Variants in BICRAL observed in about 807,000 individuals in gnomAD.
BICRAL encodes BICRA like chromatin remodeling complex associated protein.
A neutral mutation model predicts 91.8 loss-of-function variants in BICRAL; 8 were observed. The observed-to-expected ratio is 0.09, with a 90% confidence interval of 0.05 to 0.16. The LOEUF (loss-of-function observed/expected upper bound fraction) is 0.16. Among genes scored for constraint, BICRAL ranks in the 10% least tolerant of loss-of-function variants. The pLI is 1.00. For synonymous variants in BICRAL, 445 were observed against 491.1 expected, an observed-to-expected ratio of 0.91 and a Z score of 1.24; for missense variants, 1,038 against 1,310.9, an observed-to-expected ratio of 0.79 and a Z score of 3.21.
chr6:42,814,479 A>ATGTGTGTG lies in BICRAL; in HGVS notation c.-6+4092_-6+4099dup, dbSNP rs35473219. ...TATACGTATACATACATATACATGC[A>ATGTGTGTG]TGTGTGTGTGTGTGTGTGTGTATAT... On this transcript the variant is annotated intron_variant, in intron 2 of 12. Transcript: ENST00000314073. 5.0e-3 allele frequency among the ~76,000 whole-genome samples: 395 copies of ATGTGTGTG among 78,888 alleles called. 11 individuals carry two copies. The highest frequency in any genetic ancestry group is 0.026 in the African/African-American group (330 of 12,778). 51.8% of individuals were successfully genotyped at this position (78,888 alleles called of 152,430 possible).
intron 6 of BICRAL, among the ~76,000 whole-genome samples, chr6:42,850,107 A>G (rs997457643): frequency 6.6e-6 from 1 of 152,178 alleles, no homozygotes; most frequent in East Asian, 1.9e-4. Context: ...GCCAGGGTCT[A>G]TGTGAGCACT....
chr6:42,756,660 C>G (rs1487136587), intron 1 of BICRAL, among the ~76,000 whole-genome samples: 1 of 151,340 alleles, frequency 6.6e-6, no homozygotes, highest in African/African-American at 2.4e-5. Context: ...ATACGTAAGT[C>G]TGAGTTACTG....
At chr6:42,860,491 G>C in intron 11 of BICRAL, 135 bp downstream of exon 11, 1 of 561,112 alleles carries the variant, frequency 1.8e-6, no homozygotes, top group South Asian at 2.1e-5. Flanking sequence ...AAAAACTTAC[G>C]CTTAGCTGCT....
intron 1 of BICRAL, among the ~76,000 whole-genome samples, chr6:42,760,179 G>A (rs1762523854): frequency 6.6e-6 from 1 of 151,924 alleles, no homozygotes; most frequent in Non-Finnish European, 1.5e-5. Flanking sequence ...GGGAGGCGGA[G>A]GTTGCGGTGA....
Position 42,865,153 on chromosome 6 carries a change from A to G in BICRAL, c.2947A>G (p.Asn983Asp). Residue 983 changes from asparagine (N) to aspartate (D), a missense_variant, in exon 13 of 13, where the codon AAT (asparagine) becomes GAT (aspartate). By Grantham distance (23) the Asn-to-Asp change is conservative (BLOSUM62 1). Around this residue, in one of 5 missense-constraint regions of BICRAL, gnomAD observed 92 missense variants for 147.8 expected, o/e 0.62. Coordinates refer to ENST00000314073, the MANE Select transcript of BICRAL (RefSeq NM_001393499.1). ...QDKSLRNSPK[N>D]EVLHTDIMKG... ...CAAAAGTCTGAGGAATTCTCCAAAG[A>G]ATGAAGTTTTACACACAGACATCAT... 6.2e-7 allele frequency: 1 copy of G among 1,614,182 alleles called. No homozygotes were observed. Among genetic ancestry groups the G allele is most frequent in the Non-Finnish European group, 8.5e-7 (1 of 1,180,028 alleles).
At chr6:42,750,034 T>C (rs1762351812) in intron 1 of BICRAL, among the ~76,000 whole-genome samples, 1 of 151,942 alleles carries the variant, frequency 6.6e-6, no homozygotes, top group African/African-American at 2.4e-5. Context: ...TTTTTTAATA[T>C]ATATAGTTTT....
intron 9 of BICRAL, among the ~76,000 whole-genome samples, chr6:42,856,716 A>T (rs2114028748): frequency 6.6e-6 from 1 of 152,222 alleles, no homozygotes; most frequent in South Asian, 2.1e-4. Flanking sequence ...TTTCTTCTTA[A>T]GGAGAATAGT....
rs776228133 is a variant in BICRAL, at chr6:42,853,689, C to T, written c.1997C>T (p.Pro666Leu). The T allele has an allele frequency of 1.2e-6, 2 of 1,614,100 alleles. No individual in the cohort carries two copies. The highest frequency in any genetic ancestry group is 4.5e-5 in the East Asian group (2 of 44,892). Reference protein sequence around the residue: ...VISASLGTAQPQQEKVVGSSP... With the variant: ...VISASLGTAQLQQEKVVGSSP... ...TCCGCATCCTTAGGAACCGCACAACCACAGCAGGAAAAAGTAGTTGGATCA... is the reference window on the plus strand; with the variant it reads ...TCCGCATCCTTAGGAACCGCACAACTACAGCAGGAAAAAGTAGTTGGATCA... Residue 666 changes from proline to leucine, a missense_variant, in exon 8 of 13, where the codon CCA (proline) becomes CTA (leucine). Pro to Leu is a moderately conservative substitution (Grantham distance 98). Around this residue, in one of 5 missense-constraint regions of BICRAL, gnomAD observed 532 missense variants for 724.9 expected, o/e 0.73. Coordinates refer to ENST00000314073, the MANE Select transcript of BICRAL (RefSeq NM_001393499.1).
chr6:42,747,795 G>GTTTTTTT (rs1343500976), intron 1 of BICRAL, among the ~76,000 whole-genome samples: 9 of 141,156 alleles, frequency 6.4e-5, no homozygotes, highest in South Asian at 2.2e-4. Context: ...TTGCTTTTTT[G>GTTTTTTT]TTTTATTTTG....
At chr6:42,761,248 A>T (rs1227710358) in intron 1 of BICRAL, among the ~76,000 whole-genome samples, 3 of 152,066 alleles carry the variant, frequency 2.0e-5, no homozygotes, top group Middle Eastern at 3.2e-3. Flanking sequence ...TGAGGCCAGG[A>T]GTTCAAGACC....
chr6:42,822,774 CTT>C lies in BICRAL; in HGVS notation c.42-16_42-15del, dbSNP rs749055332. 2 of 1,423,846 alleles carry C rather than the reference CTT, an allele frequency of 1.4e-6. No homozygotes were observed. Among genetic ancestry groups the C allele is most frequent in the South Asian group, 2.4e-5 (2 of 85,090 alleles). 88.2% of individuals were successfully genotyped at this position (1,423,846 alleles called of 1,614,324 possible). A position where few individuals can be genotyped will look rare whatever the true frequency, so the allele number is the denominator to read the frequency against. On this transcript the variant is annotated intron_variant, in intron 3 of 12. Coordinates refer to ENST00000314073, the MANE Select transcript of BICRAL (RefSeq NM_001393499.1). ...AGTATATTTGTTTGTTGTTTTATCT[CTT>C]TTTTTCCTCTCTTTTCTAGAGACCC...
Position 42,848,703 on chromosome 6 carries a change from G to T in BICRAL, c.1840-3389G>T, listed in dbSNP as rs1371921817. On this transcript the variant is annotated intron_variant, in intron 6 of 12. Transcript: ENST00000314073. Reference sequence around the variant, plus strand: ...TACAAAAAATACAAAAACTAGCCAGGCTTGGTGGCACACACCTGTAGTCCC... The same window carrying T: ...TACAAAAAATACAAAAACTAGCCAGTCTTGGTGGCACACACCTGTAGTCCC... 2.6e-5 allele frequency among the ~76,000 whole-genome samples: 4 copies of T among 152,258 alleles called. No homozygotes were observed. In the South Asian group the frequency reaches 6.2e-4, roughly 24 times the overall value.
At position 42,829,854 on chromosome 6, in the gene BICRAL, T is replaced by C. The variant is rs1303452029; in HGVS notation, c.1521T>C (p.Thr507=). The C allele has an allele frequency of 2.5e-6, 4 of 1,614,202 alleles. No individual in the cohort carries two copies. Among genetic ancestry groups the C allele is most frequent in the South Asian group, 1.1e-5 (1 of 91,090 alleles). The change falls in exon 6 of 13, where the codon ACT becomes ACC. Residue 507 remains threonine, a synonymous_variant. Coordinates refer to ENST00000314073, the MANE Select transcript of BICRAL (RefSeq NM_001393499.1). ...TGCCCTTGCAGCAGGCATCCCCAACTGTATTACACCTGTCACCTGGGCAGA... is the reference window on the plus strand; with the variant it reads ...TGCCCTTGCAGCAGGCATCCCCAACCGTATTACACCTGTCACCTGGGCAGA... The part of the protein sequence containing the change: ...GQMPLQQASP[T]VLHLSPGQSS...
chr6:42,755,160 G>GTA (rs150953528), intron 1 of BICRAL, among the ~76,000 whole-genome samples: 23,921 of 152,000 alleles, frequency 0.16, 2,099 homozygotes, highest in African/African-American at 0.23. Flanking sequence ...AATAGGGAGA[G>GTA]TGTTGTCCAG....
At chr6:42,837,311 T>C (rs1402059424) in intron 6 of BICRAL, among the ~76,000 whole-genome samples, 1 of 152,180 alleles carries the variant, frequency 6.6e-6, no homozygotes, top group African/African-American at 2.4e-5. Flanking sequence ...AAAATATAAT[T>C]ACCGAAGGCT....
rs189686640 is a variant in BICRAL, at chr6:42,798,491, G to A, written c.-101-11815G>A. Among the ~76,000 whole-genome samples, 829 of 152,288 alleles carry A rather than the reference G, an allele frequency of 5.4e-3. 7 individuals are homozygous for A. The highest frequency in any genetic ancestry group is 9.1e-3 in the Non-Finnish European group (621 of 68,026). On this transcript the variant is annotated intron_variant, in intron 1 of 12. Transcript: ENST00000314073. ...GCAGGCAGATCACTTGAGGCAAGGA[G>A]TTTGAGACCAGCCTGGCCAACGTGG...
Position 42,865,383 on chromosome 6 carries a change from T to A in BICRAL, c.3177T>A (p.Ser1059Arg). 6.2e-7 allele frequency: 1 copy of A among 1,613,554 alleles called. No homozygotes were observed. Among genetic ancestry groups the A allele is most frequent in the South Asian group, 1.1e-5 (1 of 91,062 alleles). The change falls in exon 13 of 13, where the codon AGT becomes AGA. Residue 1059 changes from serine (S) to arginine (R), a missense_variant. Around this residue, in one of 5 missense-constraint regions of BICRAL, gnomAD observed 92 missense variants for 147.8 expected, o/e 0.62. Coordinates refer to ENST00000314073, the MANE Select transcript of BICRAL (RefSeq NM_001393499.1). ...NCLEKFIPDH[S>R]EGVVETDSIL... ...TGGAAAAGTTCATCCCGGACCACAG[T>A]GAAGGTGTTGTAGAAACTGACTCCA...
chr6:42,766,609 C>T (rs763620222), intron 1 of BICRAL, among the ~76,000 whole-genome samples: 1 of 151,934 alleles, frequency 6.6e-6, no homozygotes, highest in African/African-American at 2.4e-5. Flanking sequence ...GGAGGCCGAG[C>T]GGGTGGATCA....
At chr6:42,857,600 T>TAAAAAAAA (rs748078737) in intron 10 of BICRAL, among the ~76,000 whole-genome samples, 47 of 101,300 alleles carry the variant, frequency 4.6e-4, no homozygotes, top group African/African-American at 1.5e-3. Flanking sequence ...CACTGTCTCT[T>TAAAAAAAA]AAAAAAAAAA....
Sources: gnomAD v4.1 joint callset for allele counts (sites outside exome capture counted in the v4.1 genomes callset) on GRCh38, gnomAD v4.1.1 for gene constraint, gnomAD v4.1.1 regional missense constraint, MANE v1.5 for transcripts, NCBI Gene and HGNC (gene_info 2026-07-23, HGNC 2026-07-21) for gene names.